GGNBP2: variants seen among roughly 807,000 people sequenced by gnomAD.
GGNBP2 encodes gametogenetin binding protein 2.
Under a neutral mutation model 85.9 loss-of-function variants are expected in GGNBP2, and 10 were observed. The observed-to-expected ratio is 0.12, with a 90% CI of 0.07 to 0.20. GGNBP2 has a LOEUF of 0.20. Among genes scored for constraint, GGNBP2 ranks in the 10% least tolerant of loss-of-function variants. The pLI is 1.00. For synonymous variants in GGNBP2, 287 were observed against 285.7 expected, an observed-to-expected ratio of 1.00 and a Z score of -0.05; for missense variants, 595 against 857.8, an observed-to-expected ratio of 0.69 and a Z score of 3.83.
At chr17:36,564,613 T>G (rs990856425) in intron 5 of GGNBP2, among the ~76,000 whole-genome samples, 1 of 152,172 alleles carries the variant, frequency 6.6e-6, no homozygotes, top group Non-Finnish European at 1.5e-5. Context: ...TAAGGTAGCT[T>G]CAGTTATTCC....
At chr17:36,551,431 C>G (rs751262947) in intron 2 of GGNBP2, among the ~76,000 whole-genome samples, 1 of 151,894 alleles carries the variant, frequency 6.6e-6, no homozygotes, top group East Asian at 1.9e-4. Flanking sequence ...CTTGAACTCA[C>G]GACCTCAGGT....
chr17:36,572,094 GC>G (rs1312712560), intron 6 of GGNBP2, among the ~76,000 whole-genome samples: 1 of 151,776 alleles, frequency 6.6e-6, no homozygotes, highest in African/African-American at 2.4e-5. Context: ...TGCTGCTTTT[GC>G]AAATGGGAAA....
chr17:36,581,591 A>C (rs1306750816), intron 9 of GGNBP2, 53 bp downstream of exon 9: 4 of 1,370,022 alleles, frequency 2.9e-6, no homozygotes, highest in African/African-American at 1.4e-5. Context: ...TTGTAGATAG[A>C]AGTACAGGCC....
chr17:36,571,827 A>AGC (rs1219597080), intron 6 of GGNBP2, among the ~76,000 whole-genome samples: 6 of 152,184 alleles, frequency 3.9e-5, no homozygotes, highest in Non-Finnish European at 8.8e-5. Flanking sequence ...TGGGCGACAG[A>AGC]GCGAGACTCC....
chr17:36,557,318 C>G lies in GGNBP2; in HGVS notation c.410C>G (p.Thr137Arg), dbSNP rs1413947679. Residue 137 changes from threonine (T) to arginine (R), a missense_variant, in exon 4 of 14, where the codon ACA (threonine) becomes AGA (arginine). Physicochemically the swap from Thr to Arg is moderately conservative, Grantham distance 71. Coordinates refer to ENST00000613102, the MANE Select transcript of GGNBP2 (RefSeq NM_024835.5). ...SCMTDAKKLY[T>R]LFYVHGSKLN... ...ATGACTGATGCAAAGAAGCTTTATA[C>G]ATTATTTTATGTACATGGGTAAGTA... is the stretch of plus-strand genomic sequence containing the variant. The G allele has an allele frequency of 1.2e-5, 20 of 1,613,448 alleles. No individual in the cohort carries two copies. Among genetic ancestry groups the G allele is most frequent in the Non-Finnish European group, 1.4e-5 (17 of 1,179,586 alleles).
intron 2 of GGNBP2, among the ~76,000 whole-genome samples, chr17:36,551,582 G>T (rs1199400116): frequency 1.3e-5 from 2 of 151,702 alleles, no homozygotes; most frequent in Admixed American, 1.3e-4. Flanking sequence ...GGTGGCTCAT[G>T]CCTGTAATCC....
rs947110661 is a variant in GGNBP2, at chr17:36,565,459, T to TA, written c.528-2194dup. Among the ~76,000 whole-genome samples, 300 of 150,342 alleles carry TA rather than the reference T, an allele frequency of 2.0e-3. 3 individuals are homozygous for TA. Among genetic ancestry groups the TA allele is most frequent in the African/African-American group, 6.2e-3 (256 of 41,104 alleles). ...AGATTTTTTTTATAGAGCTTTTTTTTAAAAAAAAAATGCCTTCACATTCTA... is the reference window on the plus strand; with the variant it reads ...AGATTTTTTTTATAGAGCTTTTTTTTAAAAAAAAAAATGCCTTCACATTCTA... On this transcript the variant is annotated intron_variant, in intron 5 of 13. Coordinates refer to ENST00000613102, the MANE Select transcript of GGNBP2 (RefSeq NM_024835.5).
At chr17:36,564,828 A>G (rs1426108552) in intron 5 of GGNBP2, among the ~76,000 whole-genome samples, 1 of 151,144 alleles carries the variant, frequency 6.6e-6, no homozygotes, top group Non-Finnish European at 1.5e-5. Flanking sequence ...ACAGTTGATT[A>G]GGTTTTAGCC....
chr17:36,550,266 A>G (rs2142680431), intron 2 of GGNBP2, among the ~76,000 whole-genome samples: 1 of 151,250 alleles, frequency 6.6e-6, no homozygotes, highest in South Asian at 2.1e-4. Flanking sequence ...ATTGCAGTTT[A>G]CTCTCCTAAT....
Position 36,553,613 on chromosome 17 carries a change from CTT to C in GGNBP2, c.94-1205_94-1204del, listed in dbSNP as rs1185258422. Among the ~76,000 whole-genome samples the C allele has an allele frequency of 2.6e-5, 4 of 152,128 alleles. No individual in the cohort carries two copies. The East Asian group carries it at 5.8e-4, about 22-fold the overall frequency. On this transcript the variant is annotated intron_variant, in intron 2 of 13. Transcript: ENST00000613102. ...TCGGTGTTTTTCTCTTGACTTCACT[CTT>C]TGATTTTGTAGGAGTTTGTGGTCCT...
At chr17:36,578,582 C>G (rs1454586850) in intron 7 of GGNBP2, 1 of 172,316 alleles carries the variant, frequency 5.8e-6, no homozygotes, top group Non-Finnish European at 1.2e-5. Context: ...TAAGAAATGC[C>G]TTATTGAATG....
intron 3 of GGNBP2, among the ~76,000 whole-genome samples, chr17:36,555,745 A>G (rs1474386023): frequency 6.6e-6 from 1 of 152,244 alleles, no homozygotes; most frequent in African/African-American, 2.4e-5. Flanking sequence ...ATCCTCCCAT[A>G]TACTTTAAAG....
Position 36,551,570 on chromosome 17 carries a change from G to A in GGNBP2, c.94-3250G>A, listed in dbSNP as rs186266926. Among the ~76,000 whole-genome samples, 751 of 151,930 alleles carry A rather than the reference G, an allele frequency of 4.9e-3. 4 individuals carry two copies. Among genetic ancestry groups the A allele is most frequent in the Non-Finnish European group, 9.3e-3 (633 of 67,958 alleles). On this transcript the variant is annotated intron_variant, in intron 2 of 13. Coordinates refer to ENST00000613102, the MANE Select transcript of GGNBP2 (RefSeq NM_024835.5). The stretch of plus-strand genomic sequence containing the variant: ...ATAATTAAAATATTTTAGGCTGGGC[G>A]CGGTGGCTCATGCCTGTAATCCCAG...
intron 6 of GGNBP2, among the ~76,000 whole-genome samples, chr17:36,571,203 C>G (rs574151137): frequency 3.1e-4 from 47 of 152,244 alleles, no homozygotes; most frequent in Admixed American, 7.8e-4. Context: ...GAAGCCAAGG[C>G]AGGAGGATCA....
At chr17:36,587,270 G>C in intron 13 of GGNBP2, 25 bp downstream of exon 13, 2 of 1,609,462 alleles carry the variant, frequency 1.2e-6, no homozygotes, top group South Asian at 2.2e-5. Context: ...TGGTCTTACT[G>C]TACATAACTG....
intron 1 of GGNBP2, 60 bp downstream of exon 1, chr17:36,545,157 A>T (rs1250974491): frequency 6.5e-6 from 1 of 153,176 alleles, no homozygotes; most frequent in Non-Finnish European, 1.5e-5. Context: ...TGCGGGGTCG[A>T]TCCCTCCCAG....
At chr17:36,588,696 T>G (rs1376993173) in intron 13 of GGNBP2, among the ~76,000 whole-genome samples, 17 of 151,338 alleles carry the variant, frequency 1.1e-4, no homozygotes, top group Admixed American at 1.1e-3. Flanking sequence ...GCCTCCAAGG[T>G]TCAAGTGATT....
chr17:36,560,984 T>A (rs2074411163), intron 5 of GGNBP2, 113 bp downstream of exon 5: 3 of 568,562 alleles, frequency 5.3e-6, no homozygotes, highest in Non-Finnish European at 9.1e-6. Context: ...TTGGTTATAC[T>A]CTATGACATA....
At chr17:36,578,243 C>A in intron 7 of GGNBP2, 57 bp downstream of exon 7, 1 of 1,311,450 alleles carries the variant, frequency 7.6e-7, no homozygotes, top group South Asian at 1.3e-5. Flanking sequence ...CATTTTATTA[C>A]TGAAAGTTTA....
Sources: allele counts gnomAD v4.1 joint callset (sites outside exome capture counted in the v4.1 genomes callset), GRCh38; gene constraint gnomAD v4.1.1; transcripts MANE v1.5; gene names NCBI Gene and HGNC (gene_info 2026-07-23, HGNC 2026-07-21).